Variants in BICC1 observed in about 807,000 individuals in gnomAD.
BICC1 encodes the protein BicC family RNA binding protein 1, also known as protein bicaudal C homolog 1.
In BICC1, 43 loss-of-function variants were observed where a neutral mutation model predicts 111.0. The observed-to-expected ratio is 0.39, with a 90% CI of 0.30 to 0.50. The LOEUF is 0.50. Among genes scored for constraint, BICC1 ranks in the 20% least tolerant of loss-of-function variants. The pLI, the probability that BICC1 is intolerant of heterozygous loss-of-function variation, is 0.88. For missense variants in BICC1, 1,091 were observed against 1,203.2 expected (o/e 0.91, Z 1.38); for synonymous variants, 467 against 434.4 (o/e 1.07, Z -0.93).
intron 1 of BICC1, among the ~76,000 whole-genome samples, chr10:58,585,852 T>G (rs772742185): frequency 6.6e-6 from 1 of 152,202 alleles, no homozygotes; most frequent in African/African-American, 2.4e-5. Context: ...ATGACGTACC[T>G]TCAGAGAGGT....
rs777976053 is a variant in BICC1 at position 58,803,232 on chromosome 10, T to A, written c.2171T>A (p.Val724Asp). ...CACCTTGCTCCACGGTCATCATATGTCAACATGCAGGTAATGGTAATAAAA... is the reference window on the plus strand; with the variant it reads ...CACCTTGCTCCACGGTCATCATATGACAACATGCAGGTAATGGTAATAAAA... ...RAHLAPRSSY[V>D]NMQAFDYEQK... Residue 724 changes from valine (V) to aspartate (D), a missense_variant, in exon 15 of 21, where the codon GTC becomes GAC. Coordinates refer to ENST00000373886, the MANE Select transcript of BICC1 (RefSeq NM_001080512.3). The A allele has an allele frequency of 2.5e-6, 4 of 1,598,466 alleles. No homozygotes were observed. The East Asian group carries it at 9.0e-5, about 36-fold the overall frequency.
At chr10:58,755,556 A>G (rs1025474025) in intron 3 of BICC1, among the ~76,000 whole-genome samples, 3 of 152,202 alleles carry the variant, frequency 2.0e-5, no homozygotes, top group Admixed American at 6.5e-5. Context: ...TCTGTCTGAA[A>G]TCTTCAGAAA....
At position 58,512,905 on chromosome 10, in the gene BICC1, C is replaced by T. The variant is rs929236369; in HGVS notation, c.-239C>T. Among the ~76,000 whole-genome samples the T allele has an allele frequency of 4.1e-5, 6 of 147,330 alleles. No homozygotes were observed. The highest frequency in any genetic ancestry group is 6.0e-5 in the Non-Finnish European group (4 of 66,160). ...CGGGCGTTGCTGGCGGGGGGCGGCG[C>T]AGCCACTGGACCCGGACCGGGGCCG... On this transcript the variant is annotated 5_prime_UTR_variant, in exon 1 of 21. Transcript: ENST00000373886.
At chr10:58,691,691 T>A (rs967758196) in intron 2 of BICC1, among the ~76,000 whole-genome samples, 1 of 152,192 alleles carries the variant, frequency 6.6e-6, no homozygotes, top group African/African-American at 2.4e-5. Flanking sequence ...TAGCAGAAGG[T>A]TGGAATGGAA....
intron 3 of BICC1, among the ~76,000 whole-genome samples, chr10:58,777,029 T>C (rs1052798887): frequency 1.3e-5 from 2 of 151,984 alleles, no homozygotes; most frequent in Non-Finnish European, 1.5e-5. Flanking sequence ...TTACACTATA[T>C]AAGAGAAAGT....
In BICC1 at chr10:58,806,311, G is replaced by A. The variant is rs181792697; in HGVS notation, c.2182-273G>A. On this transcript the variant is annotated intron_variant, in intron 15 of 20. Coordinates refer to ENST00000373886, the MANE Select transcript of BICC1 (RefSeq NM_001080512.3). ...TGTGCTAGGTATTTATGGTAAATAA[G>A]ATTTTTTTTTCTTTTTTTAAGGAAA... is the stretch of plus-strand genomic sequence containing the variant. Among the ~76,000 whole-genome samples, 6 of 152,174 alleles carry A rather than the reference G, an allele frequency of 3.9e-5. No homozygotes were observed. The East Asian group carries it at 1.2e-3, about 29-fold the overall frequency.
At chr10:58,664,451 A>C (rs1564540332) in intron 2 of BICC1, among the ~76,000 whole-genome samples, 2 of 111,600 alleles carry the variant, frequency 1.8e-5, no homozygotes, top group Non-Finnish European at 4.1e-5. Context: ...AGGTTTTGTA[A>C]ATAGCTTTTT....
At chr10:58,531,496 A>G (rs1472289106) in intron 1 of BICC1, among the ~76,000 whole-genome samples, 2 of 151,866 alleles carry the variant, frequency 1.3e-5, no homozygotes, top group Non-Finnish European at 2.9e-5. Context: ...GTTTATTCAA[A>G]TACAAAAATT....
Position 58,535,104 on chromosome 10 carries a change from CAAAG to C in BICC1, c.190+21774_190+21777del, listed in dbSNP as rs561441942. Among the ~76,000 whole-genome samples, 29 of 151,474 alleles carry C rather than the reference CAAAG, an allele frequency of 1.9e-4. No individual in the cohort carries two copies. The South Asian group carries it at 4.4e-3, about 23-fold the overall frequency. On this transcript the variant is annotated intron_variant, in intron 1 of 20. Transcript: ENST00000373886. ...GAAATATGGGATTATGCAAAACAGACAAAGAATTATAGGTTTTCCTGAGGGAGAG... is the reference window on the plus strand; with the variant it reads ...GAAATATGGGATTATGCAAAACAGACAATTATAGGTTTTCCTGAGGGAGAG...
At chr10:58,599,095 TTC>T (rs1844935572) in intron 1 of BICC1, among the ~76,000 whole-genome samples, 1 of 152,180 alleles carries the variant, frequency 6.6e-6, no homozygotes, top group Non-Finnish European at 1.5e-5. Flanking sequence ...AGTGTAGCAA[TTC>T]CTCAAGGATA....
At chr10:58,637,882 G>T (rs1279940660) in intron 2 of BICC1, among the ~76,000 whole-genome samples, 1 of 152,154 alleles carries the variant, frequency 6.6e-6, no homozygotes, top group Non-Finnish European at 1.5e-5. Context: ...TAAGCACTGT[G>T]ATAGCCAGGG....
chr10:58,762,930 C>T (rs1447908635), intron 3 of BICC1, among the ~76,000 whole-genome samples: 3 of 152,144 alleles, frequency 2.0e-5, no homozygotes, highest in Admixed American at 6.5e-5. Flanking sequence ...AGCCAATCCA[C>T]CTGTGTTGGT....
At chr10:58,581,066 A>G (rs1338196458) in intron 1 of BICC1, among the ~76,000 whole-genome samples, 1 of 152,196 alleles carries the variant, frequency 6.6e-6, no homozygotes, top group Non-Finnish European at 1.5e-5. Context: ...TTAAAAATTA[A>G]ATGATGACTT....
chr10:58,611,426 C>T (rs1845415010), intron 1 of BICC1, among the ~76,000 whole-genome samples: 1 of 151,390 alleles, frequency 6.6e-6, no homozygotes, highest in Admixed American at 6.6e-5. Flanking sequence ...TGTACACGTA[C>T]AGACTTTTAT....
At chr10:58,745,604 C>CG (rs1554827826) in intron 3 of BICC1, among the ~76,000 whole-genome samples, 3 of 122,874 alleles carry the variant, frequency 2.4e-5, no homozygotes, top group Middle Eastern at 8.1e-3. Context: ...CCCCCACCGC[C>CG]CCCCCCCCAC....
intron 12 of BICC1, among the ~76,000 whole-genome samples, chr10:58,799,925 G>T (rs1438832488): frequency 6.6e-6 from 1 of 152,118 alleles, no homozygotes; most frequent in African/African-American, 2.4e-5. Context: ...CATTGAATCT[G>T]TATATTACTT....
intron 2 of BICC1, among the ~76,000 whole-genome samples, chr10:58,667,407 T>C (rs1839045774): frequency 6.6e-6 from 1 of 152,088 alleles, no homozygotes; most frequent in Admixed American, 6.6e-5. Context: ...ATGAAAAAAA[T>C]ATAGCAAAAG....
chr10:58,525,603 C>T (rs1031214498), intron 1 of BICC1, among the ~76,000 whole-genome samples: 1 of 148,614 alleles, frequency 6.7e-6, no homozygotes, highest in African/African-American at 2.5e-5. Context: ...AGGACATATA[C>T]CTAATGTTAA....
At chr10:58,722,553 A>G (rs1434675743) in intron 3 of BICC1, among the ~76,000 whole-genome samples, 1 of 152,206 alleles carries the variant, frequency 6.6e-6, no homozygotes, top group East Asian at 1.9e-4. Flanking sequence ...TGTATTTTTT[A>G]ATCAGAAAAT....
Sources: gnomAD v4.1 joint callset for allele counts (sites outside exome capture counted in the v4.1 genomes callset) on GRCh38, gnomAD v4.1.1 for gene constraint, MANE v1.5 for transcripts, NCBI Gene and HGNC (gene_info 2026-07-23, HGNC 2026-07-21) for gene names.